The following NHSL1 variants were observed in gnomAD, a reference collection of about 807,000 sequenced individuals.
The protein encoded by NHSL1 is NHS-like protein 1.
NHSL1 carries 48 observed loss-of-function variants against 95.0 expected under a neutral mutation model. The ratio of observed to expected loss-of-function variants is 0.51; its 90% CI spans 0.40 to 0.64. The LOEUF (loss-of-function observed/expected upper bound fraction) is 0.64, where lower values mean the gene tolerates loss of function less well. Among genes scored for constraint, NHSL1 ranks in the 30% least tolerant of loss-of-function variants. NHSL1 has a pLI of 0.00. For synonymous variants in NHSL1, 783 were observed against 833.9 expected (o/e 0.94, Z 1.05); for missense variants, 1,971 against 2,077.7 (o/e 0.95, Z 1.00).
chr6:138,612,028 T>C (rs1784520264), intron 1 of NHSL1, among the ~76,000 whole-genome samples: 1 of 142,900 alleles, frequency 7.0e-6, no homozygotes, highest in African/African-American at 2.7e-5. Context: ...GAAAATTGCT[T>C]GAACCCAAGA....
At chr6:138,639,663 G>A (rs1235370371) in intron 1 of NHSL1, among the ~76,000 whole-genome samples, 1 of 150,500 alleles carries the variant, frequency 6.6e-6, no homozygotes, top group Non-Finnish European at 1.5e-5. Context: ...AAAATTAGCT[G>A]GGCGTGGTGG....
chr6:138,441,974 G>A lies in NHSL1; in HGVS notation c.664+9C>T. ...AAGGGCAACAGAATACAGTTCTGAT[G>A]AGCCATACCTAGCTCCTTCTGTATG... is the stretch of plus-strand genomic sequence containing the variant. On this transcript the variant is annotated intron_variant, in intron 5 of 7. Transcript: ENST00000343505. The A allele has an allele frequency of 6.5e-7, 1 of 1,547,228 alleles. No homozygotes were observed. The highest frequency in any genetic ancestry group is 8.7e-7 in the Non-Finnish European group (1 of 1,145,166).
chr6:138,648,349 A>C (rs1785046372), intron 1 of NHSL1, among the ~76,000 whole-genome samples: 2 of 120,064 alleles, frequency 1.7e-5, no homozygotes, highest in African/African-American at 8.1e-5. Context: ...CTTTACGGAC[A>C]CTGAAAAAAA....
chr6:138,501,856 T>C (rs1187813780), upstream of NHSL1, among the ~76,000 whole-genome samples: 1 of 152,228 alleles, frequency 6.6e-6, no homozygotes, highest in Non-Finnish European at 1.5e-5. Context: ...CTTTAAATCA[T>C]CTCTACATTA....
At chr6:138,558,965 CCT>C (rs1783307404) in intron 1 of NHSL1, among the ~76,000 whole-genome samples, 1 of 152,072 alleles carries the variant, frequency 6.6e-6, no homozygotes, top group South Asian at 2.1e-4. Context: ...CAGGAGAATT[CCT>C]TAAGCCCTAG....
At chr6:138,452,686 G>C (rs188036965) in intron 3 of NHSL1, among the ~76,000 whole-genome samples, 27 of 152,274 alleles carry the variant, frequency 1.8e-4, no homozygotes, top group African/African-American at 6.3e-4. Flanking sequence ...CTCTTGTGTT[G>C]ACTCTTGGTT....
chr6:138,652,438 C>A (rs1785105238), intron 1 of NHSL1, among the ~76,000 whole-genome samples: 1 of 137,690 alleles, frequency 7.3e-6, no homozygotes, highest in East Asian at 2.1e-4. Context: ...GAAACTCTAT[C>A]TCAAAAAAAA....
chr6:138,459,440 C>A (rs55821413), intron 3 of NHSL1, among the ~76,000 whole-genome samples: 19,864 of 152,112 alleles, frequency 0.13, 1,330 homozygotes, highest in Middle Eastern at 0.16. Context: ...CTGTATATTA[C>A]TTGTATACCT....
At chr6:138,461,875 C>A (rs1354159539) in intron 3 of NHSL1, among the ~76,000 whole-genome samples, 1 of 152,092 alleles carries the variant, frequency 6.6e-6, no homozygotes, top group African/African-American at 2.4e-5. Context: ...TTGATTAGGG[C>A]TAAGAGAGAG....
intron 5 of NHSL1, among the ~76,000 whole-genome samples, chr6:138,439,840 A>G (rs995141068): frequency 1.3e-5 from 2 of 151,858 alleles, no homozygotes; most frequent in African/African-American, 2.4e-5. Context: ...TGTCACATGT[A>G]AAAGAAATGA....
intron 1 of NHSL1, among the ~76,000 whole-genome samples, chr6:138,627,115 C>G (rs1380714591): frequency 6.6e-6 from 1 of 152,096 alleles, no homozygotes; most frequent in Non-Finnish European, 1.5e-5. Context: ...ATTGTCTTCT[C>G]TATGCAACAC....
At chr6:138,448,822 G>A (rs1235406598) in intron 3 of NHSL1, among the ~76,000 whole-genome samples, 2 of 152,192 alleles carry the variant, frequency 1.3e-5, no homozygotes, top group African/African-American at 4.8e-5. Flanking sequence ...GGAGGCCGAG[G>A]TGGGCGGATC....
intron 4 of NHSL1, among the ~76,000 whole-genome samples, chr6:138,445,988 C>CA (rs1229494179): frequency 6.6e-6 from 1 of 152,002 alleles, no homozygotes; most frequent in African/African-American, 2.4e-5. Flanking sequence ...ACCACTAACC[C>CA]ATGCTCCTTG....
intron 1 of NHSL1, among the ~76,000 whole-genome samples, chr6:138,615,718 G>A (rs1256702760): frequency 6.6e-6 from 1 of 152,256 alleles, no homozygotes. Flanking sequence ...TGATCCGCCT[G>A]CCTTGGCCTC....
At chr6:138,493,676 G>A (rs973855846) in intron 2 of NHSL1, among the ~76,000 whole-genome samples, 2 of 152,228 alleles carry the variant, frequency 1.3e-5, no homozygotes, top group African/African-American at 4.8e-5. Flanking sequence ...ATTTGTCCTG[G>A]GAACGGTGCC....
chr6:138,618,270 T>G (rs1056202136), intron 1 of NHSL1, among the ~76,000 whole-genome samples: 3 of 152,164 alleles, frequency 2.0e-5, no homozygotes, highest in Non-Finnish European at 4.4e-5. Context: ...CCCCTGGAGA[T>G]TCTGATTAAG....
intron 4 of NHSL1, among the ~76,000 whole-genome samples, chr6:138,443,489 A>G (rs979777068): frequency 6.6e-6 from 1 of 152,168 alleles, no homozygotes; most frequent in Non-Finnish European, 1.5e-5. Flanking sequence ...AGAAGAAAAA[A>G]CTTCCTTGTA....
chr6:138,665,038 A>G (rs1217615765), intron 1 of NHSL1, among the ~76,000 whole-genome samples: 1 of 152,254 alleles, frequency 6.6e-6, no homozygotes, highest in African/African-American at 2.4e-5. Flanking sequence ...GCAAGTAGAC[A>G]CATCATATTA....
At chr6:138,594,384 C>T (rs760784640) in intron 1 of NHSL1, among the ~76,000 whole-genome samples, 5 of 152,150 alleles carry the variant, frequency 3.3e-5, no homozygotes, top group South Asian at 2.1e-4. Flanking sequence ...GCCAATTTCG[C>T]GGGGCTTCTG....
Sources: allele counts gnomAD v4.1 joint callset (sites outside exome capture counted in the v4.1 genomes callset), GRCh38; gene constraint gnomAD v4.1.1; transcripts MANE v1.5; gene names NCBI Gene and HGNC (gene_info 2026-07-23, HGNC 2026-07-21).